Variants in TOP1 observed in about 807,000 individuals in gnomAD.
TOP1 encodes the protein DNA topoisomerase 1.
Under a neutral mutation model 111.1 loss-of-function variants are expected in TOP1, and 10 were observed. The ratio of observed to expected loss-of-function variants is 0.09; its 90% confidence interval spans 0.06 to 0.15. The LOEUF (loss-of-function observed/expected upper bound fraction) is 0.15. Among genes scored for constraint, TOP1 ranks in the 10% least tolerant of loss-of-function variants. TOP1 has a pLI of 1.00. For missense variants in TOP1, 474 were observed against 926.7 expected (o/e 0.51, Z 6.34); for synonymous variants, 271 against 302.9 (o/e 0.89, Z 1.10).
chr20:41,086,758 T>C lies in TOP1; in HGVS notation c.614+2190T>C, dbSNP rs192674746. On this transcript the variant is annotated intron_variant, in intron 8 of 20. Coordinates refer to ENST00000361337, the MANE Select transcript of TOP1 (RefSeq NM_003286.4). ...AACTGGCTAGTCTTTAACTAAAAGTTGTTTTTTGAGGAATGAGCAGACTTT... is the reference window on the plus strand; with the variant it reads ...AACTGGCTAGTCTTTAACTAAAAGTCGTTTTTTGAGGAATGAGCAGACTTT... 2.5e-4 allele frequency among the ~76,000 whole-genome samples: 38 copies of C among 152,376 alleles called. No homozygotes were observed. In the East Asian group the frequency reaches 4.6e-3, roughly 19 times the overall value.
rs2033668873 is a variant in TOP1 at position 41,071,497 on chromosome 20, ACCACGC to A, written c.156-4670_156-4665del. On this transcript the variant is annotated intron_variant, in intron 3 of 20. Transcript: ENST00000361337. The surrounding 1 kb of genome is among the most constrained non-coding windows in gnomAD (Gnocchi z 4.3). The stretch of plus-strand genomic sequence containing the variant: ...GTAGCTGGGATTACAGGCATGTGCC[ACCACGC>A]CCAGCTAATTTTTGTATTTTTAGTA... Among the ~76,000 whole-genome samples, 1 of 152,060 alleles carries A rather than the reference ACCACGC, an allele frequency of 6.6e-6. No individual in the cohort carries two copies. Among genetic ancestry groups the A allele is most frequent in the African/African-American group, 2.4e-5 (1 of 41,400 alleles).
intron 3 of TOP1, among the ~76,000 whole-genome samples, chr20:41,073,668 A>G (rs1052111519): frequency 2.4e-4 from 37 of 152,214 alleles, no homozygotes; most frequent in Admixed American, 2.3e-3. Context: ...TTCTTTTAAC[A>G]TTGCAACTTT....
intron 3 of TOP1, among the ~76,000 whole-genome samples, chr20:41,064,993 C>A (rs976894142): frequency 3.3e-5 from 5 of 152,136 alleles, no homozygotes; most frequent in Admixed American, 2.0e-4. Context: ...CTATCTCCAC[C>A]TCCCAGGTTC....
chr20:41,111,600 CCCT>C (rs2034242296), intron 13 of TOP1, among the ~76,000 whole-genome samples: 1 of 125,294 alleles, frequency 8.0e-6, no homozygotes, highest in Non-Finnish European at 1.7e-5. Flanking sequence ...ACCCCCCGCC[CCCT>C]TTTTTTTTTT....
At position 41,076,933 on chromosome 20, in the gene TOP1, A is replaced by T. The variant is rs559015516; in HGVS notation, c.279+639A>T. ...TTCCATAGATACTCTGTATATCTGT[A>T]TGTGTGTGTGTATCCCTTTGTGTGT... On this transcript the variant is annotated intron_variant, in intron 4 of 20. Transcript: ENST00000361337. Among the ~76,000 whole-genome samples the T allele has an allele frequency of 3.5e-4, 54 of 152,122 alleles. 1 individual carries two copies. The East Asian group carries it at 4.8e-3, about 14-fold the overall frequency.
At chr20:41,099,252 T>A (rs2034025469) in intron 11 of TOP1, among the ~76,000 whole-genome samples, 1 of 152,238 alleles carries the variant, frequency 6.6e-6, no homozygotes, top group Non-Finnish European at 1.5e-5. Flanking sequence ...AGACTTTGTG[T>A]CTCAGGTAAA....
rs978462701 is a variant in TOP1, at chr20:41,110,189, A to G, written c.1309-2593A>G. ...AATCTCAGCTATTCAGGAGGCTGAG[A>G]CATGGGAATCGCTTGAACCTGAGGG... On this transcript the variant is annotated intron_variant, in intron 13 of 20. Transcript: ENST00000361337. This position sits in a 1 kb window ranked among gnomAD's most constrained non-coding sequence, Gnocchi z 4.2. Among the ~76,000 whole-genome samples the G allele has an allele frequency of 6.6e-6, 1 of 152,144 alleles. No individual in the cohort carries two copies. Among genetic ancestry groups the G allele is most frequent in the Non-Finnish European group, 1.5e-5 (1 of 68,008 alleles).
At chr20:41,111,006 G>A (rs1202067153) in intron 13 of TOP1, among the ~76,000 whole-genome samples, 2 of 152,160 alleles carry the variant, frequency 1.3e-5, no homozygotes, top group Non-Finnish European at 2.9e-5. Context: ...AAGTTGGTCT[G>A]GTAGTATCCT....
chr20:41,072,653 T>TG (rs1244646786), intron 3 of TOP1: 1 of 985,424 alleles, frequency 1.0e-6, no homozygotes, highest in Non-Finnish European at 1.2e-6. Flanking sequence ...CCTGCCGGTT[T>TG]GGGGGTTATG....
chr20:41,043,293 A>G (rs557905051), intron 2 of TOP1, among the ~76,000 whole-genome samples: 55 of 152,174 alleles, frequency 3.6e-4, no homozygotes, highest in Non-Finnish European at 7.4e-4. Flanking sequence ...TAGTAATTCA[A>G]CCTCTTAAGC....
In TOP1 at chr20:41,058,369, G is replaced by T. The variant is rs1006013262; in HGVS notation, c.59-3025G>T. Among the ~76,000 whole-genome samples the T allele has an allele frequency of 6.6e-6, 1 of 152,184 alleles. No homozygotes were observed. The highest frequency in any genetic ancestry group is 1.5e-5 in the Non-Finnish European group (1 of 68,044). On this transcript the variant is annotated intron_variant, in intron 2 of 20. Transcript: ENST00000361337. The surrounding 1 kb of genome is among the most constrained non-coding windows in gnomAD (Gnocchi z 4.2). ...CAGGAATCCAGACATAGTTTATCTGGGTGGCTTTGGCTTACCATCTGTAGA... is the reference window on the plus strand; with the variant it reads ...CAGGAATCCAGACATAGTTTATCTGTGTGGCTTTGGCTTACCATCTGTAGA...
chr20:41,042,808 T>C (rs996120023), intron 2 of TOP1, among the ~76,000 whole-genome samples: 2 of 152,220 alleles, frequency 1.3e-5, no homozygotes, highest in Non-Finnish European at 2.9e-5. Flanking sequence ...TTGTATGTTA[T>C]ATGTATTATA....
chr20:41,113,860 C>T (rs1409594685), intron 14 of TOP1, 110 bp from the exon 15 acceptor site: 10 of 888,450 alleles, frequency 1.1e-5, no homozygotes, highest in Middle Eastern at 3.3e-4. Flanking sequence ...TCTAGCCTGG[C>T]GACAGAGCGA....
chr20:41,084,981 G>C (rs1053763325), intron 8 of TOP1, among the ~76,000 whole-genome samples: 22 of 151,780 alleles, frequency 1.4e-4, no homozygotes, highest in Non-Finnish European at 2.8e-4. Context: ...CAGTAGTGAA[G>C]ATCCTTTGAA....
chr20:41,091,431 T>C (rs2033918244), intron 8 of TOP1, among the ~76,000 whole-genome samples: 1 of 152,148 alleles, frequency 6.6e-6, no homozygotes, highest in Admixed American at 6.6e-5. Flanking sequence ...GTTTTGTGGT[T>C]ATGTGGAAGA....
chr20:41,091,395 A>C (rs1005382705), intron 8 of TOP1, among the ~76,000 whole-genome samples: 11 of 152,192 alleles, frequency 7.2e-5, no homozygotes, highest in African/African-American at 2.6e-4. Flanking sequence ...TTATACTAGG[A>C]GATTATTTTG....
At chr20:41,041,032 A>G (rs2033257566) in intron 2 of TOP1, among the ~76,000 whole-genome samples, 2 of 152,144 alleles carry the variant, frequency 1.3e-5, no homozygotes, top group Non-Finnish European at 2.9e-5. Context: ...GCATAGTCAC[A>G]GATACTCCAT....
rs545539115 is a variant in TOP1, at chr20:41,084,191, A to T, written c.508-271A>T. Among the ~76,000 whole-genome samples the T allele has an allele frequency of 1.0e-3, 146 of 143,262 alleles. 2 individuals carry two copies. The highest frequency in any genetic ancestry group is 8.1e-3 in the South Asian group (37 of 4,572). 94.0% of individuals were successfully genotyped at this position (143,262 alleles called of 152,430 possible). A position where few individuals can be genotyped will look rare whatever the true frequency, so the allele number is the denominator to read the frequency against. The stretch of plus-strand genomic sequence containing the variant: ...TACTTTTCCAAACTCCTTTGAGGTT[A>T]AAAAAAAAAAAGTTTCCCAGTCTCT... On this transcript the variant is annotated intron_variant, in intron 7 of 20. Transcript: ENST00000361337.
intron 8 of TOP1, among the ~76,000 whole-genome samples, chr20:41,091,777 C>T (rs58489506): frequency 0.051 from 7,747 of 152,018 alleles, 655 homozygotes; most frequent in African/African-American, 0.18. Context: ...GGCTCCTGAC[C>T]TGGATCACGA....
Sources: allele counts gnomAD v4.1 joint callset (sites outside exome capture counted in the v4.1 genomes callset), GRCh38; gene constraint gnomAD v4.1.1; non-coding constraint Gnocchi (gnomAD v3.1); transcripts MANE v1.5; gene names NCBI Gene and HGNC (gene_info 2026-07-23, HGNC 2026-07-21).